Variants in EPHA7 observed in about 807,000 individuals in gnomAD.
EPHA7 encodes the protein EPH receptor A7.
Under a neutral mutation model 112.6 loss-of-function variants are expected in EPHA7, and 25 were observed. That is an observed-to-expected ratio of 0.22 (90% confidence interval 0.16 to 0.31). The LOEUF (loss-of-function observed/expected upper bound fraction) is 0.31, where lower values mean the gene tolerates loss of function less well. EPHA7 is among the 10% of genes least tolerant of loss of function. The probability of loss-of-function intolerance (pLI) is 1.00; values close to 1 mark genes in which losing one functional copy is unlikely to be tolerated. For missense variants in EPHA7, 962 were observed against 1,212.6 expected (o/e 0.79, Z 3.07); for synonymous variants, 437 against 406.5 (o/e 1.07, Z -0.90).
intron 5 of EPHA7, among the ~76,000 whole-genome samples, chr6:93,346,474 G>T (rs1775412094): frequency 6.6e-6 from 1 of 151,742 alleles, no homozygotes; most frequent in Non-Finnish European, 1.5e-5. Context: ...GTCAAGGAAG[G>T]ATTAACCAAA....
chr6:93,322,401 C>CT (rs559171242), intron 5 of EPHA7, among the ~76,000 whole-genome samples: 129 of 151,576 alleles, frequency 8.5e-4, no homozygotes, highest in African/African-American at 3.0e-3. Flanking sequence ...CAAGCAATTC[C>CT]TTTTTTTGTC....
Position 93,272,415 on chromosome 6 carries a change from C to G in EPHA7, c.1332G>C (p.Ser444=). 1 of 1,611,446 alleles carries G rather than the reference C, an allele frequency of 6.2e-7. No homozygotes were observed. Among genetic ancestry groups the G allele is most frequent in the Admixed American group, 1.7e-5 (1 of 59,828 alleles). ...TCTCCTTCATTACTCCACTCACTTG[C>G]GAGGGAGCTGTTTGGACAAGATGTG... The part of the protein sequence containing the change: ...VSITTGQAAP[S]QVSGVMKERV... Residue 444 remains serine (S), a synonymous_variant, in exon 6 of 17, where the codon TCG becomes TCC. Transcript: ENST00000369303.
Position 93,254,804 on chromosome 6 carries a change from A to T in EPHA7, c.2383-8T>A, listed in dbSNP as rs759516513. 1.2e-6 allele frequency: 2 copies of T among 1,608,184 alleles called. No individual in the cohort carries two copies. The highest frequency in any genetic ancestry group is 2.7e-5 in the African/African-American group (2 of 74,770). ...TACTGGAATTTTTCCACCCTGTTAT[A>T]AAAAGAAATGAACATTTTAAATATG... On this transcript the variant is annotated splice_region_variant and splice_polypyrimidine_tract_variant and intron_variant, in intron 13 of 16. Coordinates refer to ENST00000369303, the MANE Select transcript of EPHA7 (RefSeq NM_004440.4).
chr6:93,394,559 A>G (rs1319079534), intron 3 of EPHA7, among the ~76,000 whole-genome samples: 1 of 151,798 alleles, frequency 6.6e-6, no homozygotes, highest in East Asian at 1.9e-4. Flanking sequence ...CTGATTTTAG[A>G]TACTTGTCAA....
At chr6:93,408,373 CATTGA>C (rs1778816827) in intron 3 of EPHA7, among the ~76,000 whole-genome samples, 1 of 152,070 alleles carries the variant, frequency 6.6e-6, no homozygotes, top group South Asian at 2.1e-4. Context: ...CGCTGCCTTT[CATTGA>C]ATTGATTAGT....
chr6:93,332,843 A>G (rs902161832), intron 5 of EPHA7, among the ~76,000 whole-genome samples: 2 of 151,766 alleles, frequency 1.3e-5, no homozygotes, highest in African/African-American at 4.8e-5. Flanking sequence ...TCAAAATAAT[A>G]GAAACTAATT....
At chr6:93,302,453 C>A (rs180723922) in intron 5 of EPHA7, among the ~76,000 whole-genome samples, 1 of 152,202 alleles carries the variant, frequency 6.6e-6, no homozygotes, top group East Asian at 1.9e-4. Context: ...TCTTTTTATA[C>A]TTAACAATTT....
At chr6:93,327,833 A>G (rs1442019059) in intron 5 of EPHA7, among the ~76,000 whole-genome samples, 2 of 151,470 alleles carry the variant, frequency 1.3e-5, no homozygotes, top group Non-Finnish European at 3.0e-5. Flanking sequence ...AGCTATTCTT[A>G]ACACAGCAGC....
chr6:93,390,119 A>G (rs769352242), intron 3 of EPHA7, among the ~76,000 whole-genome samples: 4 of 151,848 alleles, frequency 2.6e-5, no homozygotes, highest in African/African-American at 9.7e-5. Context: ...CACATCAACT[A>G]TATTGTATCC....
intron 3 of EPHA7, among the ~76,000 whole-genome samples, chr6:93,378,326 A>G (rs76059044): frequency 2.1e-3 from 325 of 152,222 alleles, no homozygotes; most frequent in Non-Finnish European, 4.0e-3. Flanking sequence ...ATTTTAAAAG[A>G]TAGTGTTATG....
chr6:93,390,908 G>A (rs554044204), intron 3 of EPHA7, among the ~76,000 whole-genome samples: 1 of 151,920 alleles, frequency 6.6e-6, no homozygotes, highest in South Asian at 2.1e-4. Flanking sequence ...AATTGAATTG[G>A]TTTTAATTCC....
At chr6:93,280,750 T>C (rs897789496) in intron 5 of EPHA7, among the ~76,000 whole-genome samples, 9 of 152,178 alleles carry the variant, frequency 5.9e-5, no homozygotes, top group African/African-American at 2.2e-4. Context: ...AGAATTGTTA[T>C]GGAAATTAAA....
chr6:93,246,083 G>A (rs1391386731), intron 15 of EPHA7, among the ~76,000 whole-genome samples: 13 of 150,406 alleles, frequency 8.6e-5, no homozygotes, highest in South Asian at 2.1e-4. Context: ...ACGGAGTCTC[G>A]CTCTGTCGCC....
chr6:93,273,464 T>A (rs115275269), intron 5 of EPHA7, among the ~76,000 whole-genome samples: 1,977 of 152,080 alleles, frequency 0.013, 45 homozygotes, highest in African/African-American at 0.045. Flanking sequence ...CCTTCCGATG[T>A]TTATCCCTTT....
chr6:93,410,364 G>T lies in EPHA7; in HGVS notation c.832+137C>A. 1 of 740,456 alleles carries T rather than the reference G, an allele frequency of 1.4e-6. No individual in the cohort carries two copies. Among genetic ancestry groups the T allele is most frequent in the Non-Finnish European group, 2.2e-6 (1 of 453,144 alleles). The allele number at this position is 740,456 out of a possible 1,614,324, so 45.9% of individuals were successfully genotyped here. A position where few individuals can be genotyped will look rare whatever the true frequency, so the allele number is the denominator to read the frequency against. ...TAGGGCAATCACTAAGTTCAACGGT[G>T]ACTTTGTTTAAGATCTACTGAATTG... On this transcript the variant is annotated intron_variant, in intron 3 of 16. Coordinates refer to ENST00000369303, the MANE Select transcript of EPHA7 (RefSeq NM_004440.4). This position sits in a 1 kb window ranked among gnomAD's most constrained non-coding sequence, Gnocchi z 4.0.
At chr6:93,300,099 A>T (rs893818737) in intron 5 of EPHA7, among the ~76,000 whole-genome samples, 2 of 152,206 alleles carry the variant, frequency 1.3e-5, no homozygotes, top group Non-Finnish European at 2.9e-5. Context: ...CTACATAACA[A>T]ACCTGCGCAT....
At chr6:93,312,216 TCTC>T (rs1177306271) in intron 5 of EPHA7, among the ~76,000 whole-genome samples, 19 of 152,238 alleles carry the variant, frequency 1.2e-4, no homozygotes, top group African/African-American at 4.6e-4. Context: ...GACATTGACT[TCTC>T]CTTTCCAGAT....
At chr6:93,247,977 A>T (rs1366777096) in intron 14 of EPHA7, among the ~76,000 whole-genome samples, 1 of 152,108 alleles carries the variant, frequency 6.6e-6, no homozygotes, top group Non-Finnish European at 1.5e-5. Context: ...TGAGCAGCAA[A>T]GGGAAGAGAA....
At chr6:93,305,490 C>T (rs1203839613) in intron 5 of EPHA7, among the ~76,000 whole-genome samples, 1 of 151,892 alleles carries the variant, frequency 6.6e-6, no homozygotes, top group Non-Finnish European at 1.5e-5. Flanking sequence ...TCAGGCAATT[C>T]CAACCTAAAG....
Sources: allele counts gnomAD v4.1 joint callset (sites outside exome capture counted in the v4.1 genomes callset), GRCh38; gene constraint gnomAD v4.1.1; non-coding constraint Gnocchi (gnomAD v3.1); transcripts MANE v1.5; gene names NCBI Gene and HGNC (gene_info 2026-07-23, HGNC 2026-07-21).